Variants in CSMD2 observed in about 807,000 individuals in gnomAD.
CSMD2 encodes CUB and sushi domain-containing protein 2.
Under a neutral mutation model 398.5 loss-of-function variants are expected in CSMD2, and 130 were observed. That is an observed-to-expected ratio of 0.33 (90% CI 0.28 to 0.38). The LOEUF is 0.38. Ranked by LOEUF, CSMD2 falls within the 10% of genes least tolerant of loss-of-function variation. The pLI is 1.00. For missense variants in CSMD2, 3,829 were observed against 4,764.9 expected (o/e 0.80, Z 5.78); for synonymous variants, 1,828 against 1,908.5 (o/e 0.96, Z 1.10).
intron 10 of CSMD2, among the ~76,000 whole-genome samples, chr1:33,794,619 T>C (rs1247953059): frequency 6.6e-6 from 1 of 152,274 alleles, no homozygotes; most frequent in East Asian, 1.9e-4. Flanking sequence ...GCTAAGAATT[T>C]TGGGCTTTGT....
At chr1:34,154,918 G>A (rs187694794) in intron 1 of CSMD2, among the ~76,000 whole-genome samples, 1 of 152,166 alleles carries the variant, frequency 6.6e-6, no homozygotes, top group East Asian at 1.9e-4. Context: ...AGTAGAGACG[G>A]GGTTTTGCCA....
chr1:33,692,807 T>C, intron 25 of CSMD2, 123 bp downstream of exon 25: 1 of 1,234,604 alleles, frequency 8.1e-7, no homozygotes, highest in Non-Finnish European at 1.2e-6. Flanking sequence ...CAACCACTAT[T>C]GATCACAAGG....
At chr1:33,880,409 C>T (rs1641154776) in intron 5 of CSMD2, among the ~76,000 whole-genome samples, 1 of 152,222 alleles carries the variant, frequency 6.6e-6, no homozygotes, top group Admixed American at 6.5e-5. Flanking sequence ...CATTTCCATA[C>T]CACCTACTCT....
chr1:34,082,049 G>A (rs1369805387), intron 2 of CSMD2, among the ~76,000 whole-genome samples: 1 of 151,276 alleles, frequency 6.6e-6, no homozygotes, highest in Non-Finnish European at 1.5e-5. Context: ...CTTCCCGGCC[G>A]TCATCCCGTC....
At chr1:33,711,875 C>T (rs1327330902) in intron 21 of CSMD2, among the ~76,000 whole-genome samples, 4 of 152,172 alleles carry the variant, frequency 2.6e-5, no homozygotes, top group African/African-American at 7.2e-5. Context: ...TGGCCAATCC[C>T]CAGGTCCTGA....
At chr1:34,041,513 A>C (rs1651836385) in intron 2 of CSMD2, among the ~76,000 whole-genome samples, 1 of 152,196 alleles carries the variant, frequency 6.6e-6, no homozygotes, top group Non-Finnish European at 1.5e-5. Context: ...ATGGAAATGA[A>C]AGCTCATTTT....
At chr1:33,984,293 C>T (rs1646273652) in intron 3 of CSMD2, among the ~76,000 whole-genome samples, 1 of 152,178 alleles carries the variant, frequency 6.6e-6, no homozygotes, top group Non-Finnish European at 1.5e-5. Context: ...TAAGGCAGTG[C>T]TTCTTCAACA....
chr1:33,647,347 T>A (rs1321155425), intron 28 of CSMD2, among the ~76,000 whole-genome samples: 2 of 151,274 alleles, frequency 1.3e-5, no homozygotes, highest in Non-Finnish European at 3.0e-5. Flanking sequence ...CTCCTCAGGG[T>A]CTGCTATTGC....
At chr1:33,946,546 C>A (rs1463622616) in intron 3 of CSMD2, among the ~76,000 whole-genome samples, 2 of 152,076 alleles carry the variant, frequency 1.3e-5, no homozygotes, top group Non-Finnish European at 2.9e-5. Context: ...AAACTTGTCA[C>A]TTCCAGAGGA....
chr1:33,727,864 A>T (rs1474316941), intron 15 of CSMD2, among the ~76,000 whole-genome samples: 1 of 152,144 alleles, frequency 6.6e-6, no homozygotes. Context: ...CCCAAGGCTG[A>T]TGATGAGGAT....
At chr1:33,775,626 G>A (rs1651869206) in intron 12 of CSMD2, among the ~76,000 whole-genome samples, 1 of 152,234 alleles carries the variant, frequency 6.6e-6, no homozygotes, top group African/African-American at 2.4e-5. Context: ...AGAGGTATAG[G>A]TCTGAATGGA....
chr1:33,905,842 G>T (rs12069498), intron 5 of CSMD2, among the ~76,000 whole-genome samples: 12,771 of 152,222 alleles, frequency 0.084, 1,807 homozygotes, highest in African/African-American at 0.29. Flanking sequence ...GTGTGGCAGA[G>T]AACTCGGCTC....
chr1:33,714,460 AG>A (rs1228237312), intron 21 of CSMD2, 126 bp downstream of exon 21: 1 of 1,103,652 alleles, frequency 9.1e-7, no homozygotes, highest in African/African-American at 1.6e-5. Context: ...GTCCCACTGC[AG>A]GTAAGTGTGG....
chr1:33,966,305 T>G (rs1344450335), intron 3 of CSMD2, among the ~76,000 whole-genome samples: 3 of 152,142 alleles, frequency 2.0e-5, no homozygotes, highest in Non-Finnish European at 4.4e-5. Context: ...GAAAATTTTC[T>G]GCCCTGATGG....
At chr1:33,638,623 C>T (rs1346788984) in intron 29 of CSMD2, among the ~76,000 whole-genome samples, 1 of 152,248 alleles carries the variant, frequency 6.6e-6, no homozygotes, top group Non-Finnish European at 1.5e-5. Context: ...TACAGGCCTT[C>T]AAGGCCCTGC....
chr1:34,129,447 C>T (rs1395687218), intron 1 of CSMD2, among the ~76,000 whole-genome samples: 4 of 151,986 alleles, frequency 2.6e-5, no homozygotes, highest in Admixed American at 1.3e-4. Flanking sequence ...GTCAGGAGAT[C>T]GTGACCATCC....
In CSMD2 at chr1:33,526,439, G is replaced by A. The variant is rs181044692; in HGVS notation, c.10234+757C>T. 2.0e-5 allele frequency among the ~76,000 whole-genome samples: 3 copies of A among 152,330 alleles called. No homozygotes were observed. In the East Asian group the frequency reaches 5.8e-4, roughly 29 times the overall value. ...GGTGGCCATCCCATCTACCTTATCA[G>A]GGTTATTCTAGGGGTTAAATGACTA... On this transcript the variant is annotated intron_variant, in intron 65 of 70. Transcript: ENST00000373381.
chr1:34,137,712 T>A (rs1264768547), intron 1 of CSMD2, among the ~76,000 whole-genome samples: 1 of 152,214 alleles, frequency 6.6e-6, no homozygotes, highest in East Asian at 1.9e-4. Flanking sequence ...AGACTGTGCT[T>A]TCCAATTGGG....
In CSMD2 at chr1:34,103,289, CT is replaced by C. The variant is rs1377493597; in HGVS notation, c.188-14097del. Among the ~76,000 whole-genome samples, 106 of 106,966 alleles carry C rather than the reference CT, an allele frequency of 9.9e-4. 1 individual carries two copies. Among genetic ancestry groups the C allele is most frequent in the African/African-American group, 1.2e-3 (29 of 24,746 alleles). 70.2% of individuals were successfully genotyped at this position (106,966 alleles called of 152,430 possible). On this transcript the variant is annotated intron_variant, in intron 1 of 70. Coordinates refer to ENST00000373381, the MANE Select transcript of CSMD2 (RefSeq NM_001281956.2). ...TGTCTCTACCAGCAAACTCCTTGAG[CT>C]TTTTTTTTTTTTTTTTTTTTCTTTC...
Sources: gnomAD v4.1 joint callset for allele counts (sites outside exome capture counted in the v4.1 genomes callset) on GRCh38, gnomAD v4.1.1 for gene constraint, MANE v1.5 for transcripts, NCBI Gene and HGNC (gene_info 2026-07-23, HGNC 2026-07-21) for gene names.